The following DCHS2 variants were observed in gnomAD, a reference collection of about 807,000 sequenced individuals.
The protein encoded by DCHS2 is dachsous cadherin-related 2, also known as protocadherin-23.
In DCHS2, 142 loss-of-function variants were observed where a neutral mutation model predicts 182.4. That is an observed-to-expected ratio of 0.78 (90% confidence interval 0.68 to 0.89). The LOEUF is 0.89. DCHS2 is among the 40% of genes least tolerant of loss of function. The probability of loss-of-function intolerance (pLI) is 0.00; values close to 1 mark genes in which losing one functional copy is unlikely to be tolerated. For missense variants in DCHS2, 4,319 were observed against 4,198.6 expected (o/e 1.03, Z -0.79); for synonymous variants, 1,740 against 1,663.3 (o/e 1.05, Z -1.12).
chr4:154,378,504 G>GGAAGGAAGGAAGGAAA, intron 1 of DCHS2, among the ~76,000 whole-genome samples: 1 of 109,362 alleles, frequency 9.1e-6, no homozygotes, highest in African/African-American at 3.3e-5. Flanking sequence ...AGGGTGGGAA[G>GGAAGGAAGGAAGGAAA]GAAGGAAGGA....
In DCHS2 at chr4:154,328,123, T is replaced by A; in HGVS notation, c.3988A>T (p.Asn1330Tyr). 5 of 1,608,674 alleles carry A rather than the reference T, an allele frequency of 3.1e-6. No homozygotes were observed. The highest frequency in any genetic ancestry group is 2.5e-6 in the Non-Finnish European group (3 of 1,177,574). The change falls in exon 7 of 20, where the codon AAT becomes TAT. Residue 1330 changes from asparagine to tyrosine, a missense_variant. Asn to Tyr is a moderately radical substitution (Grantham distance 143). Transcript: ENST00000357232. ...GATACTGAGTATGTAACTTCTGCATTATTTCCTTCATCAGGATCCTTTGCA... is the reference window on the plus strand; with the variant it reads ...GATACTGAGTATGTAACTTCTGCATAATTTCCTTCATCAGGATCCTTTGCA... ...VFAKDPDEGN[N>Y]AEVTYSVSSE...
At chr4:154,239,356 T>C (rs1303153751) in intron 18 of DCHS2, 54 bp from the exon 19 acceptor site, 5 of 1,604,154 alleles carry the variant, frequency 3.1e-6, no homozygotes, top group Non-Finnish European at 4.2e-6. Context: ...GAAGGTATTT[T>C]CACCAACAGG....
intron 13 of DCHS2, among the ~76,000 whole-genome samples, chr4:154,271,579 GAA>G (rs1733596098): frequency 6.6e-6 from 1 of 152,138 alleles, no homozygotes; most frequent in South Asian, 2.1e-4. Flanking sequence ...AAGCTCTGTG[GAA>G]AAAGTCATCT....
intron 1 of DCHS2, among the ~76,000 whole-genome samples, chr4:154,431,978 T>C (rs539301162): frequency 6.6e-6 from 1 of 152,212 alleles, no homozygotes; most frequent in South Asian, 2.1e-4. Flanking sequence ...ATTTTAATAT[T>C]TACCTGCCAT....
intron 3 of DCHS2, among the ~76,000 whole-genome samples, chr4:154,340,856 G>A (rs1015892587): frequency 6.6e-6 from 1 of 152,134 alleles, no homozygotes. Context: ...TAAGTGTAAC[G>A]TCAACAAAGA....
At chr4:154,438,752 T>G (rs1005690155) in intron 1 of DCHS2, among the ~76,000 whole-genome samples, 3 of 152,236 alleles carry the variant, frequency 2.0e-5, no homozygotes, top group African/African-American at 7.2e-5. Context: ...TCTGTTGTTA[T>G]AGCAGATGTA....
chr4:154,480,902 ACAGACATGAGC>A (rs1196762172), intron 1 of DCHS2, among the ~76,000 whole-genome samples: 1 of 152,104 alleles, frequency 6.6e-6, no homozygotes, highest in Admixed American at 6.5e-5. Flanking sequence ...TGCTGAGATT[ACAGACATGAGC>A]CACTGCCTGG....
intron 10 of DCHS2, among the ~76,000 whole-genome samples, chr4:154,313,414 G>C (rs1735742198): frequency 6.6e-6 from 1 of 152,062 alleles, no homozygotes; most frequent in Non-Finnish European, 1.5e-5. Context: ...AAATAACACT[G>C]TATACTTACA....
chr4:154,333,083 C>T lies in DCHS2; in HGVS notation c.3125G>A (p.Gly1042Asp). 1 of 1,614,060 alleles carries T rather than the reference C, an allele frequency of 6.2e-7. No homozygotes were observed. Among genetic ancestry groups the T allele is most frequent in the South Asian group, 1.1e-5 (1 of 91,074 alleles). The change falls in exon 5 of 20, where the codon GGC becomes GAC. Residue 1042 changes from glycine to aspartate, a missense_variant. Gly to Asp is a moderately conservative substitution (Grantham distance 94, BLOSUM62 -1). Transcript: ENST00000357232. ...CGTGAGCTCCCGCTGCTCGCCCGCGCCCAGGCTGCCGTTGAGGAACAGCAC... is the reference window on the plus strand; with the variant it reads ...CGTGAGCTCCCGCTGCTCGCCCGCGTCCAGGCTGCCGTTGAGGAACAGCAC... ...LGVLFLNGSL[G>D]AGEQRELTLT...
At chr4:154,418,389 T>C (rs971247952) in intron 1 of DCHS2, among the ~76,000 whole-genome samples, 5 of 152,210 alleles carry the variant, frequency 3.3e-5, no homozygotes, top group Non-Finnish European at 4.4e-5. Context: ...AGAAGCCCCT[T>C]GCAAGGTGTC....
At chr4:154,331,769 C>A in intron 5 of DCHS2, 1 of 1,539,164 alleles carries the variant, frequency 6.5e-7, no homozygotes, top group Non-Finnish European at 8.8e-7. Flanking sequence ...TTTGGGTGTA[C>A]TACTCGAGCT....
chr4:154,303,938 T>A (rs1246722407), intron 12 of DCHS2, among the ~76,000 whole-genome samples: 1 of 152,222 alleles, frequency 6.6e-6, no homozygotes, highest in Non-Finnish European at 1.5e-5. Flanking sequence ...TGTGCCTGTG[T>A]ATGGCTCTTG....
intron 1 of DCHS2, among the ~76,000 whole-genome samples, chr4:154,378,520 A>AGAAGGAAGGAAGGAAGGAAG (rs70947162): frequency 0.013 from 805 of 64,092 alleles, 17 homozygotes; most frequent in South Asian, 0.038. Context: ...AAGGAAGGAA[A>AGAAGGAAGGAAGGAAGGAAG]GAAGGAAGGA....
chr4:154,259,243 G>GCATA (rs1390125627), intron 15 of DCHS2, among the ~76,000 whole-genome samples: 1 of 152,032 alleles, frequency 6.6e-6, no homozygotes, highest in Non-Finnish European at 1.5e-5. Context: ...TACACTAAAT[G>GCATA]CATACTTCTA....
At chr4:154,262,354 C>T (rs1244639106) in intron 14 of DCHS2, among the ~76,000 whole-genome samples, 1 of 152,158 alleles carries the variant, frequency 6.6e-6, no homozygotes, top group Non-Finnish European at 1.5e-5. Flanking sequence ...CACATTTTTC[C>T]TTGGATAATA....
At chr4:154,478,659 C>T (rs1057447462) in intron 1 of DCHS2, among the ~76,000 whole-genome samples, 1 of 152,210 alleles carries the variant, frequency 6.6e-6, no homozygotes, top group South Asian at 2.1e-4. Flanking sequence ...AGGGGAAATC[C>T]GGGCAAGCTC....
chr4:154,357,205 A>G lies in DCHS2; in HGVS notation c.2476+9005T>C, dbSNP rs1464294846. The G allele has an allele frequency of 3.8e-6, 6 of 1,559,690 alleles. No individual in the cohort carries two copies. In the South Asian group the frequency reaches 5.6e-5, roughly 15 times the overall value. On this transcript the variant is annotated intron_variant, in intron 3 of 19. Transcript: ENST00000357232. ...CTTCTGACTCTGGCTTTTTTGGAGA[A>G]GGCTAACCTCTACTTGAAGTGCCTT... is the stretch of plus-strand genomic sequence containing the variant.
At chr4:154,452,592 C>T (rs1304343487) in intron 1 of DCHS2, among the ~76,000 whole-genome samples, 1 of 151,942 alleles carries the variant, frequency 6.6e-6, no homozygotes, top group Non-Finnish European at 1.5e-5. Context: ...CTGCTGCACT[C>T]CAGCCTGGGC....
intron 1 of DCHS2, among the ~76,000 whole-genome samples, chr4:154,481,035 G>A (rs1354331964): frequency 6.6e-6 from 1 of 152,158 alleles, no homozygotes; most frequent in East Asian, 1.9e-4. Flanking sequence ...CTTAAAAGTG[G>A]TATACAAATA....
Sources: allele counts gnomAD v4.1 joint callset (sites outside exome capture counted in the v4.1 genomes callset), GRCh38; gene constraint gnomAD v4.1.1; transcripts MANE v1.5; gene names NCBI Gene and HGNC (gene_info 2026-07-23, HGNC 2026-07-21).